Variants in GABRA6 observed in about 807,000 individuals in gnomAD.
The protein encoded by GABRA6 is gamma-aminobutyric acid type A receptor subunit alpha6.
GABRA6 carries 45 observed loss-of-function variants against 47.3 expected under a neutral mutation model. The ratio of observed to expected loss-of-function variants is 0.95; its 90% CI spans 0.75 to 1.22. The LOEUF (loss-of-function observed/expected upper bound fraction) is 1.22, where lower values mean the gene tolerates loss of function less well. GABRA6 is among the 50% of genes most tolerant of loss of function. The probability of loss-of-function intolerance (pLI) is 0.00; values close to 1 mark genes in which losing one functional copy is unlikely to be tolerated. For missense variants in GABRA6, 583 were observed against 549.3 expected, an observed-to-expected ratio of 1.06 and a Z score of -0.61; for synonymous variants, 219 against 194.7, an observed-to-expected ratio of 1.12 and a Z score of -1.04.
chr5:161,700,264 C>T (rs1754958300), intron 8 of GABRA6, among the ~76,000 whole-genome samples: 1 of 152,168 alleles, frequency 6.6e-6, no homozygotes. Context: ...AGTTTGCCCA[C>T]GTGGGTCACA....
intron 7 of GABRA6, among the ~76,000 whole-genome samples, chr5:161,691,352 G>T (rs1754787494): frequency 7.7e-6 from 1 of 130,702 alleles, no homozygotes; most frequent in East Asian, 2.3e-4. Flanking sequence ...CTGGAGTGCA[G>T]TGGCGGGATC....
Position 161,689,309 on chromosome 5 carries a change from C to T in GABRA6, c.502C>T (p.His168Tyr), listed in dbSNP as rs745349956. 1.2e-6 allele frequency: 2 copies of T among 1,614,016 alleles called. No homozygotes were observed. Among genetic ancestry groups the T allele is most frequent in the Non-Finnish European group, 8.5e-7 (1 of 1,179,912 alleles). Residue 168 changes from histidine to tyrosine, a missense_variant, in exon 5 of 9, where the codon CAT becomes TAT. Coordinates refer to ENST00000274545, the MANE Select transcript of GABRA6 (RefSeq NM_000811.3). ...GCTGGTTAACTTTCCTATGGATGGG[C>T]ATGCTTGTCCACTCAAGTTTGGGAG... is the stretch of plus-strand genomic sequence containing the variant. ...MRLVNFPMDG[H>Y]ACPLKFGSYA... is the part of the protein sequence containing the mutation.
chr5:161,693,382 A>T (rs1754836717), intron 8 of GABRA6, among the ~76,000 whole-genome samples: 1 of 152,076 alleles, frequency 6.6e-6, no homozygotes, highest in Non-Finnish European at 1.5e-5. Flanking sequence ...GCCCTTATTT[A>T]AAAAAATAAA....
chr5:161,691,344 G>T (rs1203897194), intron 7 of GABRA6, among the ~76,000 whole-genome samples: 1 of 125,382 alleles, frequency 8.0e-6, no homozygotes, highest in Non-Finnish European at 1.6e-5. Context: ...CGCACAGGCT[G>T]GAGTGCAGTG....
At chr5:161,700,654 G>A (rs887304652) in intron 8 of GABRA6, among the ~76,000 whole-genome samples, 5 of 152,210 alleles carry the variant, frequency 3.3e-5, no homozygotes, top group African/African-American at 1.2e-4. Flanking sequence ...ACTTGCCAGT[G>A]ATTGTGTTAA....
chr5:161,693,107 G>C (rs1310050049), intron 8 of GABRA6, among the ~76,000 whole-genome samples: 1 of 152,120 alleles, frequency 6.6e-6, no homozygotes, highest in Non-Finnish European at 1.5e-5. Flanking sequence ...TTTTACAACT[G>C]ATCCATTCTA....
At chr5:161,686,847 A>G in intron 2 of GABRA6, 89 bp from the exon 3 acceptor site, 1 of 1,107,430 alleles carries the variant, frequency 9.0e-7, no homozygotes, top group Middle Eastern at 2.0e-4. Context: ...ACTGGCTATG[A>G]TAAGTAAGGG....
chr5:161,686,397 C>T lies in GABRA6; in HGVS notation c.157+49C>T, dbSNP rs59181402. ...ACAAACACCTGTAGTTTCCTTCCTC[C>T]GTTTCTGCCCTTTGAAGACCCAGAA... is the stretch of plus-strand genomic sequence containing the variant. On this transcript the variant is annotated intron_variant, in intron 2 of 8. Coordinates refer to ENST00000274545, the MANE Select transcript of GABRA6 (RefSeq NM_000811.3). 3.1e-4 allele frequency: 438 copies of T among 1,412,178 alleles called. 1 individual carries two copies. The African/African-American group carries it at 4.3e-3, about 14-fold the overall frequency. 87.5% of individuals were successfully genotyped at this position (1,412,178 alleles called of 1,614,324 possible). A position where few individuals can be genotyped will look rare whatever the true frequency, so the allele number is the denominator to read the frequency against.
In GABRA6 at chr5:161,695,067, A is replaced by G. The variant is rs191720950; in HGVS notation, c.1086+2867A>G. 9.0e-4 allele frequency among the ~76,000 whole-genome samples: 137 copies of G among 152,310 alleles called. 1 individual carries two copies. The highest frequency in any genetic ancestry group is 3.1e-3 in the African/African-American group (128 of 41,596). ...AGTTTGACATTGAAACAGCAAACTAATGTGGTGAAGTTGAAATGAAATTAA... is the reference window on the plus strand; with the variant it reads ...AGTTTGACATTGAAACAGCAAACTAGTGTGGTGAAGTTGAAATGAAATTAA... On this transcript the variant is annotated intron_variant, in intron 8 of 8. Transcript: ENST00000274545.
chr5:161,698,051 C>T (rs1754915737), intron 8 of GABRA6, among the ~76,000 whole-genome samples: 1 of 152,170 alleles, frequency 6.6e-6, no homozygotes, highest in African/African-American at 2.4e-5. Flanking sequence ...TAAAACTTTT[C>T]ATCCCCCTCT....
intron 6 of GABRA6, 181 bp from the exon 7 acceptor site, chr5:161,690,020 G>T: frequency 1.5e-6 from 1 of 683,534 alleles, no homozygotes. Context: ...AAAACAATAA[G>T]TTGATGTGTC....
intron 1 of GABRA6, 24 bp from the exon 2 acceptor site, chr5:161,686,206 G>C: frequency 1.9e-6 from 3 of 1,553,242 alleles, no homozygotes; most frequent in Middle Eastern, 1.7e-4. Flanking sequence ...CTGGGAGTAA[G>C]GATCATTGAC....
At chr5:161,686,151 A>G (rs1290221140) in intron 1 of GABRA6, 79 bp from the exon 2 acceptor site, 2 of 1,387,794 alleles carry the variant, frequency 1.4e-6, no homozygotes, top group Non-Finnish European at 1.0e-6. Flanking sequence ...ATGTATTTGT[A>G]ACAGGGTGGA....
chr5:161,699,148 TCCC>T (rs1561727444), intron 8 of GABRA6, among the ~76,000 whole-genome samples: 2 of 152,198 alleles, frequency 1.3e-5, no homozygotes, highest in African/African-American at 4.8e-5. Context: ...AGGCATGTCT[TCCC>T]TCTTTCTACC....
Position 161,701,979 on chromosome 5 carries a change from A to G in GABRA6, c.*206A>G, listed in dbSNP as rs890309832. The G allele has an allele frequency of 3.4e-6, 2 of 593,146 alleles. No individual in the cohort carries two copies. Among genetic ancestry groups the G allele is most frequent in the African/African-American group, 1.9e-5 (1 of 54,004 alleles). The allele number at this position is 593,146 out of a possible 1,614,324, so 36.7% of individuals were successfully genotyped here. A position where few individuals can be genotyped will look rare whatever the true frequency, so the allele number is the denominator to read the frequency against. On this transcript the variant is annotated 3_prime_UTR_variant, in exon 9 of 9. Coordinates refer to ENST00000274545, the MANE Select transcript of GABRA6 (RefSeq NM_000811.3). ...AGAAAGTTGAAGATTGCTGAAAAAT[A>G]TGACTTTTCTGTATGTTAGAGAAAA...
intron 8 of GABRA6, among the ~76,000 whole-genome samples, chr5:161,695,719 T>C (rs1754875083): frequency 6.6e-6 from 1 of 152,186 alleles, no homozygotes; most frequent in Non-Finnish European, 1.5e-5. Context: ...GTGTGATGCC[T>C]TTTGTAAATT....
chr5:161,687,379 A>G (rs965958903), intron 3 of GABRA6: 5 of 391,094 alleles, frequency 1.3e-5, no homozygotes, highest in Admixed American at 1.0e-4. Context: ...TATGTCTATA[A>G]AACCTAAAGC....
At chr5:161,687,332 AAC>A (rs1581120705) in intron 3 of GABRA6, 2 of 393,374 alleles carry the variant, frequency 5.1e-6, no homozygotes, top group East Asian at 1.2e-4. Context: ...GAAGAAAAAA[AAC>A]ACACAGATCT....
rs1458989569 is a variant in GABRA6 at position 161,702,389 on chromosome 5, T to C, written c.*616T>C. The C allele has an allele frequency of 6.5e-6, 1 of 153,996 alleles. No homozygotes were observed. Among genetic ancestry groups the C allele is most frequent in the Admixed American group, 6.4e-5 (1 of 15,590 alleles). The allele number at this position is 153,996 out of a possible 1,614,324, so 9.5% of individuals were successfully genotyped here. A position where few individuals can be genotyped will look rare whatever the true frequency, so the allele number is the denominator to read the frequency against. ...ACATAGCTCATAAATTATGTATGCA[T>C]ATGTACATAGCTGTAGTTGGACTAA... is the stretch of plus-strand genomic sequence containing the variant. On this transcript the variant is annotated 3_prime_UTR_variant, in exon 9 of 9. Coordinates refer to ENST00000274545, the MANE Select transcript of GABRA6 (RefSeq NM_000811.3).
Sources: allele counts gnomAD v4.1 joint callset (sites outside exome capture counted in the v4.1 genomes callset), GRCh38; gene constraint gnomAD v4.1.1; transcripts MANE v1.5; gene names NCBI Gene and HGNC (gene_info 2026-07-23, HGNC 2026-07-21).